The following ST8SIA5 variants were observed in gnomAD, a reference collection of about 807,000 sequenced individuals.
The protein encoded by ST8SIA5 is alpha-2,8-sialyltransferase 8E.
Under a neutral mutation model 40.2 loss-of-function variants are expected in ST8SIA5, and 24 were observed. The observed-to-expected ratio is 0.60, with a 90% CI of 0.43 to 0.84. The LOEUF is 0.84. ST8SIA5 is among the 40% of genes least tolerant of loss of function. The pLI is 0.00. For missense variants in ST8SIA5, 465 were observed against 498.5 expected (o/e 0.93, Z 0.64); for synonymous variants, 198 against 201.8 (o/e 0.98, Z 0.16).
intron 2 of ST8SIA5, among the ~76,000 whole-genome samples, chr18:46,698,756 A>C (rs990321480): frequency 6.6e-6 from 1 of 152,234 alleles, no homozygotes; most frequent in Non-Finnish European, 1.5e-5. Flanking sequence ...CAGAGAAAAG[A>C]AGCCCCAAAA....
chr18:46,743,325 A>C (rs906728825), intron 1 of ST8SIA5, among the ~76,000 whole-genome samples: 1 of 152,240 alleles, frequency 6.6e-6, no homozygotes, highest in Non-Finnish European at 1.5e-5. Context: ...AAAAAAGGTT[A>C]CAGGAATGGC....
intron 1 of ST8SIA5, among the ~76,000 whole-genome samples, chr18:46,732,999 G>A (rs1327943979): frequency 6.6e-6 from 1 of 152,146 alleles, no homozygotes; most frequent in Admixed American, 6.5e-5. Context: ...ACCTCAGAAA[G>A]GGGCAGCTCG....
intron 1 of ST8SIA5, among the ~76,000 whole-genome samples, chr18:46,707,054 C>A (rs1388354358): frequency 6.6e-6 from 1 of 152,160 alleles, no homozygotes; most frequent in Non-Finnish European, 1.5e-5. Flanking sequence ...AAGGGGTCAG[C>A]CTAGGGCCAC....
intron 2 of ST8SIA5, among the ~76,000 whole-genome samples, chr18:46,694,942 T>C (rs1218202733): frequency 6.6e-6 from 1 of 152,042 alleles, no homozygotes; most frequent in African/African-American, 2.4e-5. Context: ...GCGGATCATC[T>C]GAGGTCAGGA....
intron 5 of ST8SIA5, among the ~76,000 whole-genome samples, chr18:46,683,903 G>T (rs538008036): frequency 5.9e-5 from 9 of 152,178 alleles, no homozygotes; most frequent in Non-Finnish European, 1.3e-4. Context: ...AGGGTCAAGG[G>T]ACTTGCTGCT....
At chr18:46,698,878 A>G (rs1269516569) in intron 2 of ST8SIA5, among the ~76,000 whole-genome samples, 1 of 152,224 alleles carries the variant, frequency 6.6e-6, no homozygotes, top group Non-Finnish European at 1.5e-5. Context: ...ATACAGCTAT[A>G]ATAGAGGAAA....
Position 46,674,763 on chromosome 18 carries a change from T to C in ST8SIA5, c.*5279A>G, listed in dbSNP as rs1365878562. The C allele has an allele frequency of 6.6e-6, 1 of 152,428 alleles. No individual in the cohort carries two copies. Among genetic ancestry groups the C allele is most frequent in the Admixed American group, 6.6e-5 (1 of 15,262 alleles). The allele number at this position is 152,428 out of a possible 1,614,324, so 9.4% of individuals were successfully genotyped here. The stretch of plus-strand genomic sequence containing the variant: ...CAGAGGAGAGAGTGCCCAGCCCAGG[T>C]CTCTAGAGGGGAGGATGCAGGGGGC... On this transcript the variant is annotated 3_prime_UTR_variant, in exon 7 of 7. Coordinates refer to ENST00000315087, the MANE Select transcript of ST8SIA5 (RefSeq NM_013305.6).
At chr18:46,716,091 GATA>G (rs2039786813) in intron 1 of ST8SIA5, among the ~76,000 whole-genome samples, 64 of 112,734 alleles carry the variant, frequency 5.7e-4, no homozygotes, top group African/African-American at 2.6e-3. Context: ...ACACAGGATA[GATA>G]GATAGATAGA....
intron 5 of ST8SIA5, 118 bp downstream of exon 5, chr18:46,686,056 C>T (rs2039442940): frequency 1.1e-6 from 1 of 934,532 alleles, no homozygotes; most frequent in Non-Finnish European, 1.7e-6. Context: ...ACCTGAGGGT[C>T]TGCAGGGGTG....
chr18:46,705,571 G>C (rs1599117759), intron 1 of ST8SIA5, among the ~76,000 whole-genome samples: 1 of 152,228 alleles, frequency 6.6e-6, no homozygotes, highest in African/African-American at 2.4e-5. Context: ...CTGACTCAAG[G>C]CTGCTCTTTC....
rs1418107171 is a variant in ST8SIA5 at position 46,674,760 on chromosome 18, A to G, written c.*5282T>C. The G allele has an allele frequency of 1.3e-5, 2 of 152,622 alleles. No individual in the cohort carries two copies. The highest frequency in any genetic ancestry group is 4.8e-5 in the African/African-American group (2 of 41,442). 9.5% of individuals were successfully genotyped at this position (152,622 alleles called of 1,614,324 possible). A position where few individuals can be genotyped will look rare whatever the true frequency, so the allele number is the denominator to read the frequency against. ...GCACAGAGGAGAGAGTGCCCAGCCC[A>G]GGTCTCTAGAGGGGAGGATGCAGGG... On this transcript the variant is annotated 3_prime_UTR_variant, in exon 7 of 7. Transcript: ENST00000315087.
At chr18:46,703,839 G>A (rs1340786732) in intron 2 of ST8SIA5, among the ~76,000 whole-genome samples, 1 of 152,210 alleles carries the variant, frequency 6.6e-6, no homozygotes, top group African/African-American at 2.4e-5. Flanking sequence ...ATTCATGGCA[G>A]TTCTGTGAAG....
intron 2 of ST8SIA5, among the ~76,000 whole-genome samples, chr18:46,695,467 A>T (rs561710455): frequency 2.0e-5 from 3 of 152,296 alleles, no homozygotes; most frequent in Admixed American, 6.5e-5. Flanking sequence ...TATAAAATGG[A>T]TGTAATAATA....
chr18:46,704,414 G>C (rs994566194), intron 2 of ST8SIA5, among the ~76,000 whole-genome samples, 158 bp downstream of exon 2: 1 of 152,058 alleles, frequency 6.6e-6, no homozygotes, highest in Admixed American at 6.6e-5. Context: ...AGGGCTTTCC[G>C]AATGCCAGTG....
chr18:46,720,736 C>A (rs1477659599), intron 1 of ST8SIA5, among the ~76,000 whole-genome samples: 4 of 152,170 alleles, frequency 2.6e-5, no homozygotes, highest in Non-Finnish European at 4.4e-5. Context: ...CAGTATCCTG[C>A]CTCATCTGCA....
chr18:46,726,019 T>TATATATATATATATATATATCCTGG (rs1568271535), intron 1 of ST8SIA5, among the ~76,000 whole-genome samples: 5 of 100,788 alleles, frequency 5.0e-5, no homozygotes, highest in African/African-American at 1.9e-4. Flanking sequence ...ATCCTGGATA[T>TATATATATATATATATATATCCTGG]ATATATATAT....
intron 1 of ST8SIA5, among the ~76,000 whole-genome samples, chr18:46,705,363 A>T (rs949316688): frequency 6.6e-6 from 1 of 152,240 alleles, no homozygotes. Flanking sequence ...GCCAATTTCA[A>T]CCAACACTTA....
At chr18:46,712,723 C>A (rs550199167) in intron 1 of ST8SIA5, among the ~76,000 whole-genome samples, 28 of 152,230 alleles carry the variant, frequency 1.8e-4, no homozygotes, top group South Asian at 6.2e-4. Context: ...TGTTTCAGGC[C>A]AGGATGCACT....
At chr18:46,687,649 C>T (rs1198223814) in intron 4 of ST8SIA5, among the ~76,000 whole-genome samples, 1 of 152,138 alleles carries the variant, frequency 6.6e-6, no homozygotes, top group African/African-American at 2.4e-5. Context: ...ACCTGCAGCT[C>T]CTCCCCCACA....
Sources: gnomAD v4.1 joint callset for allele counts (sites outside exome capture counted in the v4.1 genomes callset) on GRCh38, gnomAD v4.1.1 for gene constraint, MANE v1.5 for transcripts, NCBI Gene and HGNC (gene_info 2026-07-23, HGNC 2026-07-21) for gene names.